ZNF324B: variants seen among roughly 807,000 people sequenced by gnomAD.
ZNF324B encodes zinc finger protein 324B.
Under a neutral mutation model 10.6 loss-of-function variants are expected in ZNF324B, and 7 were observed. The observed-to-expected ratio is 0.66, with a 90% CI of 0.38 to 1.24. The LOEUF (loss-of-function observed/expected upper bound fraction) is 1.24. ZNF324B is among the 50% of genes most tolerant of loss of function. ZNF324B has a pLI of 0.02. For synonymous variants in ZNF324B, 316 were observed against 321.0 expected (o/e 0.98, Z 0.17); for missense variants, 640 against 764.7 (o/e 0.84, Z 1.92).
chr19:58,434,360 G>A, the ZNF324B span: 7 of 1,614,228 alleles, frequency 4.3e-6, no homozygotes, highest in Admixed American at 1.7e-5. Flanking sequence ...TGCCGAATGA[G>A]GTGTGATCTG....
Position 58,456,388 on chromosome 19 carries a change from G to T in ZNF324B, c.1444G>T (p.Val482Leu). 6.2e-7 allele frequency: 1 copy of T among 1,613,170 alleles called. No homozygotes were observed. The highest frequency in any genetic ancestry group is 1.1e-5 in the South Asian group (1 of 91,078). ...CATTCACACGGGCGAGAAGCCCTTC[G>T]TGTGCACGCAGTGTGGCCGCGCCTT... ...RRIHTGEKPF[V>L]CTQCGRAFRE... The change falls in exon 4 of 4, where the codon GTG becomes TTG. Residue 482 changes from valine to leucine, a missense_variant. Physicochemically the swap from Val to Leu is conservative, Grantham distance 32. This residue lies in a region of ZNF324B where 238 missense variants were observed against 258.0 expected (regional missense o/e 0.92). Coordinates refer to ENST00000336614, the MANE Select transcript of ZNF324B (RefSeq NM_207395.3). The surrounding 1 kb of genome is among the most constrained non-coding windows in gnomAD (Gnocchi z 4.7).
rs1167577039 is a variant in ZNF324B at position 58,454,279 on chromosome 19, A to G, written c.173A>G (p.Glu58Gly). Residue 58 changes from glutamate (E) to glycine (G), a missense_variant, in exon 3 of 4, where the codon GAG becomes GGG. Transcript: ENST00000336614. ...RVVIQLERGE[E>G]PWVPSGKDMT... ...GTCATTCAACTTGAGCGTGGCGAGG[A>G]GCCCTGGGTTCCCAGTGGAAAGGAC... The G allele has an allele frequency of 1.2e-6, 2 of 1,614,056 alleles. No individual in the cohort carries two copies. The highest frequency in any genetic ancestry group is 1.7e-6 in the Non-Finnish European group (2 of 1,179,982).
the ZNF324B span, chr19:58,440,148 C>A: frequency 2.6e-6 from 1 of 381,520 alleles, no homozygotes; most frequent in South Asian, 3.1e-5. Context: ...AAATGAGGAC[C>A]GCAATGGCGG....
chr19:58,453,552 G>C (rs11883042), intron 1 of ZNF324B, 144 bp from the exon 2 acceptor site: 2 of 1,145,252 alleles, frequency 1.7e-6, no homozygotes, highest in Non-Finnish European at 2.6e-6. Flanking sequence ...AGACAGGTGA[G>C]GGAAGTGCCA....
chr19:58,429,059 T>C, the ZNF324B span: 1 of 152,216 alleles, frequency 6.6e-6, no homozygotes, highest in Admixed American at 6.5e-5. Context: ...GATCACAAGA[T>C]TCAGTCCAAG....
the ZNF324B span, chr19:58,434,747 G>A: frequency 2.5e-6 from 4 of 1,614,210 alleles, no homozygotes; most frequent in Admixed American, 1.7e-5. Context: ...AAGAGTTTCT[G>A]TGTGGTACAG....
the ZNF324B span, chr19:58,445,475 A>G: frequency 1.9e-6 from 1 of 518,812 alleles, no homozygotes; most frequent in African/African-American, 1.9e-5. Flanking sequence ...AAGCCTTTTG[A>G]TTATAGTAAA....
At chr19:58,451,934 C>T (rs2052862531) in intron 1 of ZNF324B, among the ~76,000 whole-genome samples, 2 of 152,214 alleles carry the variant, frequency 1.3e-5, no homozygotes, top group South Asian at 4.1e-4. Context: ...TGGTCCATGC[C>T]TTTCTTCCCT....
At chr19:58,427,692 G>A in the ZNF324B span, among the ~76,000 whole-genome samples, 1 of 150,574 alleles carries the variant, frequency 6.6e-6, no homozygotes, top group Non-Finnish European at 1.5e-5. Flanking sequence ...GTCTCATTAT[G>A]TTGCCCAGGC....
At chr19:58,435,190 C>A in the ZNF324B span, 1 of 1,610,120 alleles carries the variant, frequency 6.2e-7, no homozygotes, top group Non-Finnish European at 8.5e-7. Flanking sequence ...GGCCCCCTCA[C>A]CCTCTACTCC....
At chr19:58,437,036 CAG>C in the ZNF324B span, 5 of 1,614,176 alleles carry the variant, frequency 3.1e-6, no homozygotes, top group Admixed American at 1.7e-5. Context: ...CATGCTGAGA[CAG>C]GGCATTACCA....
chr19:58,420,061 C>A, the ZNF324B span, among the ~76,000 whole-genome samples: 2 of 152,252 alleles, frequency 1.3e-5, no homozygotes, highest in East Asian at 3.9e-4. Context: ...GTGGGCAGAT[C>A]ACTTTAGGTC....
At chr19:58,432,686 C>T in the ZNF324B span, 1 of 178,712 alleles carries the variant, frequency 5.6e-6, no homozygotes, top group Admixed American at 5.5e-5. Flanking sequence ...AAGTAGGCTA[C>T]AACAGGACAG....
chr19:58,445,084 C>T, the ZNF324B span: 2 of 257,670 alleles, frequency 7.8e-6, no homozygotes, highest in Non-Finnish European at 1.5e-5. Flanking sequence ...TGGTACCTGA[C>T]TTGAGGTTCA....
the ZNF324B span, among the ~76,000 whole-genome samples, chr19:58,425,897 A>G: frequency 1.3e-5 from 2 of 152,120 alleles, no homozygotes; most frequent in Non-Finnish European, 2.9e-5. Flanking sequence ...CCACTGCTTT[A>G]CTCACCTCTC....
Position 58,455,585 on chromosome 19 carries a change from A to G in ZNF324B, c.641A>G (p.Lys214Arg). 6.2e-7 allele frequency: 1 copy of G among 1,614,068 alleles called. No homozygotes were observed. Among genetic ancestry groups the G allele is most frequent in the Non-Finnish European group, 8.5e-7 (1 of 1,180,008 alleles). Residue 214 changes from lysine to arginine, a missense_variant, in exon 4 of 4, where the codon AAG (lysine) becomes AGG (arginine). Lys to Arg is a conservative substitution (Grantham distance 26, BLOSUM62 2). This residue lies in a region of ZNF324B where 345 missense variants were observed against 387.9 expected (regional missense o/e 0.89). Transcript: ENST00000336614. This position sits in a 1 kb window ranked among gnomAD's most constrained non-coding sequence, Gnocchi z 7.0. ...GCCTTCGGGAATGCCTCGGACCTGAAGGCCGCCAGTGGTGGCAGGGATCGC... is the reference window on the plus strand; with the variant it reads ...GCCTTCGGGAATGCCTCGGACCTGAGGGCCGCCAGTGGTGGCAGGGATCGC... ...GRAFGNASDLKAASGGRDRRM... is the reference protein window; with the variant it reads ...GRAFGNASDLRAASGGRDRRM...
At chr19:58,433,562 C>T in the ZNF324B span, 24 of 1,614,064 alleles carry the variant, frequency 1.5e-5, no homozygotes, top group South Asian at 1.1e-5. Context: ...TCACTGCATT[C>T]GTAAGGCCTT....
chr19:58,427,373 T>C, the ZNF324B span, among the ~76,000 whole-genome samples: 216 of 38,380 alleles, frequency 5.6e-3, 8 homozygotes, highest in African/African-American at 0.018. Flanking sequence ...TTTCTTTCTT[T>C]CTTTCTTTCT....
At chr19:58,421,671 G>A in the ZNF324B span, among the ~76,000 whole-genome samples, 5 of 152,116 alleles carry the variant, frequency 3.3e-5, no homozygotes, top group Non-Finnish European at 7.3e-5. Flanking sequence ...GAGCCACCGT[G>A]CCCAGCCATG....
Sources: allele counts gnomAD v4.1 joint callset (sites outside exome capture counted in the v4.1 genomes callset), GRCh38; gene constraint gnomAD v4.1.1; regional missense constraint gnomAD v4.1.1; non-coding constraint Gnocchi (gnomAD v3.1); transcripts MANE v1.5; gene names NCBI Gene and HGNC (gene_info 2026-07-23, HGNC 2026-07-21).